The following SMIM35 variants were observed in gnomAD, a reference collection of about 807,000 sequenced individuals.
SMIM35 encodes small integral membrane protein 35.
At chr11:118,085,457 G>A (rs1445885947) in intron 1 of SMIM35, among the ~76,000 whole-genome samples, 2 of 151,974 alleles carry the variant, frequency 1.3e-5, no homozygotes, top group East Asian at 3.9e-4. Context: ...ACTCCTGGCT[G>A]GAGTCAGTCC....
At chr11:118,017,079 A>T (rs1425827921) in intron 1 of SMIM35, among the ~76,000 whole-genome samples, 1 of 152,138 alleles carries the variant, frequency 6.6e-6, no homozygotes, top group Non-Finnish European at 1.5e-5. Flanking sequence ...GCCCTTAGAG[A>T]AAGGGAAAGA....
chr11:118,017,932 T>C (rs1387358338), intron 1 of SMIM35, among the ~76,000 whole-genome samples: 2 of 152,178 alleles, frequency 1.3e-5, no homozygotes, highest in African/African-American at 4.8e-5. Context: ...CCCACCCCCA[T>C]GATTAAATCA....
intron 3 of SMIM35, among the ~76,000 whole-genome samples, chr11:118,014,446 A>G (rs113875068): frequency 0.012 from 1,822 of 151,544 alleles, 31 homozygotes; most frequent in African/African-American, 0.043. Context: ...GGATGGATGG[A>G]TGGGTGGATG....
chr11:118,018,327 G>A (rs572920634), intron 1 of SMIM35, among the ~76,000 whole-genome samples: 1 of 152,316 alleles, frequency 6.6e-6, no homozygotes, highest in East Asian at 1.9e-4. Context: ...GTCTCTGGCT[G>A]GCTACTGTGT....
intron 4 of SMIM35, among the ~76,000 whole-genome samples, chr11:118,012,877 A>G (rs2058157477): frequency 6.6e-6 from 1 of 152,186 alleles, no homozygotes; most frequent in Non-Finnish European, 1.5e-5. Context: ...TCAACCCTAC[A>G]AGGGCAGGTA....
chr11:118,049,588 A>G (rs1260874185), intron 1 of SMIM35, among the ~76,000 whole-genome samples: 1 of 151,844 alleles, frequency 6.6e-6, no homozygotes, highest in Non-Finnish European at 1.5e-5. Context: ...ACCTCAGGTG[A>G]CCCACCCACC....
intron 1 of SMIM35, among the ~76,000 whole-genome samples, chr11:118,059,713 G>A (rs584356): frequency 0.15 from 23,509 of 152,036 alleles, 1,983 homozygotes; most frequent in East Asian, 0.3. Flanking sequence ...CCATTCATTT[G>A]CCGCCTTACC....
intron 1 of SMIM35, among the ~76,000 whole-genome samples, chr11:118,048,537 A>G (rs972755557): frequency 2.4e-5 from 3 of 122,770 alleles, no homozygotes; most frequent in East Asian, 2.3e-4. Context: ...GAAGAAAGAA[A>G]GAAGGAAGGA....
chr11:118,038,220 A>G (rs1361460544), intron 1 of SMIM35, among the ~76,000 whole-genome samples: 1 of 151,922 alleles, frequency 6.6e-6, no homozygotes, highest in Non-Finnish European at 1.5e-5. Context: ...CGTGAACTGA[A>G]CTCCAGACCC....
At chr11:118,022,012 TA>T (rs1434422526) in intron 1 of SMIM35, among the ~76,000 whole-genome samples, 6 of 149,738 alleles carry the variant, frequency 4.0e-5, no homozygotes, top group African/African-American at 1.5e-4. Flanking sequence ...GATCATATGC[TA>T]AACCATAAAA....
chr11:118,039,297 G>A (rs1426680370), intron 1 of SMIM35, among the ~76,000 whole-genome samples: 1 of 152,168 alleles, frequency 6.6e-6, no homozygotes, highest in Non-Finnish European at 1.5e-5. Context: ...GCTTTGGTGG[G>A]AGACGTATAA....
In SMIM35 at chr11:118,086,785, T is replaced by C. The variant is rs571535225; in HGVS notation, c.-28A>G. 1.1e-3 allele frequency: 169 copies of C among 152,846 alleles called. 3 individuals are homozygous for C. The highest frequency in any genetic ancestry group is 9.6e-4 in the East Asian group (5 of 5,188). The allele number at this position is 152,846 out of a possible 1,614,324, so 9.5% of individuals were successfully genotyped here. A position where few individuals can be genotyped will look rare whatever the true frequency, so the allele number is the denominator to read the frequency against. Reference sequence around the variant, plus strand: ...CTGAGACATCCAAGAGAGAGAGCCCTGTTGCCAGCGCAGCAAAGGCATCAA... The same window carrying C: ...CTGAGACATCCAAGAGAGAGAGCCCCGTTGCCAGCGCAGCAAAGGCATCAA... On this transcript the variant is annotated 5_prime_UTR_variant, in exon 1 of 5. Coordinates refer to ENST00000689828, the MANE Select transcript of SMIM35 (RefSeq NM_001394165.1).
In SMIM35 at chr11:118,004,186, C is replaced by T. The variant is rs1440691475; in HGVS notation, c.*2224G>A. 1 of 152,262 alleles carries T rather than the reference C, an allele frequency of 6.6e-6. No individual in the cohort carries two copies. Among genetic ancestry groups the T allele is most frequent in the Non-Finnish European group, 1.5e-5 (1 of 68,058 alleles). The allele number at this position is 152,262 out of a possible 1,614,324, so 9.4% of individuals were successfully genotyped here. Reference sequence around the variant, plus strand: ...TCATGACCTCATCTAAACCAATTACCTCCCAGAGGCTTTACCTCCAAATAC... The same window carrying T: ...TCATGACCTCATCTAAACCAATTACTTCCCAGAGGCTTTACCTCCAAATAC... On this transcript the variant is annotated 3_prime_UTR_variant, in exon 5 of 5. Coordinates refer to ENST00000689828, the MANE Select transcript of SMIM35 (RefSeq NM_001394165.1).
At chr11:118,020,201 G>A (rs1438547698) in intron 1 of SMIM35, among the ~76,000 whole-genome samples, 2 of 152,206 alleles carry the variant, frequency 1.3e-5, no homozygotes, top group African/African-American at 4.8e-5. Flanking sequence ...AGGCAGCAGA[G>A]GTTGCAGTGA....
chr11:118,023,224 C>T (rs2058246424), intron 1 of SMIM35, among the ~76,000 whole-genome samples: 1 of 152,012 alleles, frequency 6.6e-6, no homozygotes, highest in South Asian at 2.1e-4. Context: ...GAATCCTATT[C>T]ACTCATCAGT....
chr11:118,039,105 A>G (rs2135074526), intron 1 of SMIM35, among the ~76,000 whole-genome samples: 1 of 152,322 alleles, frequency 6.6e-6, no homozygotes, highest in Non-Finnish European at 1.5e-5. Flanking sequence ...GTCATGACCA[A>G]ATGTGCCCTT....
chr11:118,064,217 G>T (rs193252940), intron 1 of SMIM35, among the ~76,000 whole-genome samples: 60 of 152,312 alleles, frequency 3.9e-4, no homozygotes, highest in African/African-American at 1.4e-3. Flanking sequence ...TGATTGTGGC[G>T]TGAGAACCAA....
intron 1 of SMIM35, among the ~76,000 whole-genome samples, chr11:118,085,218 T>A (rs372777840): frequency 4.2e-5 from 5 of 120,026 alleles, no homozygotes; most frequent in African/African-American, 1.4e-4. Context: ...GAGTCAGATC[T>A]TCTTCTTCTT....
At chr11:118,043,753 A>G (rs1379595654) in intron 1 of SMIM35, among the ~76,000 whole-genome samples, 1 of 151,008 alleles carries the variant, frequency 6.6e-6, no homozygotes, top group Non-Finnish European at 1.5e-5. Flanking sequence ...GAGTGAGCCA[A>G]GATCGCACCA....
Sources: allele counts gnomAD v4.1 joint callset (sites outside exome capture counted in the v4.1 genomes callset), GRCh38; gene constraint gnomAD v4.1.1; transcripts MANE v1.5; gene names NCBI Gene and HGNC (gene_info 2026-07-23, HGNC 2026-07-21).